The following TANC1 variants were observed in gnomAD, a reference collection of about 807,000 sequenced individuals.
The protein encoded by TANC1 is tetratricopeptide repeat, ankyrin repeat and coiled-coil containing 1, also known as protein TANC1.
A neutral mutation model predicts 149.7 loss-of-function variants in TANC1; 77 were observed. The observed-to-expected ratio is 0.51, with a 90% confidence interval of 0.43 to 0.62. The LOEUF is 0.62. Ranked by LOEUF, TANC1 falls within the 20% of genes least tolerant of loss-of-function variation. TANC1 has a pLI of 0.00. For missense variants in TANC1, 1,985 were observed against 2,321.8 expected (o/e 0.85, Z 2.98); for synonymous variants, 854 against 925.0 (o/e 0.92, Z 1.39).
chr2:159,078,044 C>T (rs1409044162), intron 3 of TANC1, among the ~76,000 whole-genome samples: 1 of 152,186 alleles, frequency 6.6e-6, no homozygotes, highest in Non-Finnish European at 1.5e-5. Context: ...AACTCAAACA[C>T]ATTTTTATAT....
chr2:158,991,125 AC>A (rs2035587630), intron 1 of TANC1, among the ~76,000 whole-genome samples: 1 of 151,398 alleles, frequency 6.6e-6, no homozygotes, highest in South Asian at 2.1e-4. Context: ...AGTAGAAAAA[AC>A]AGCAGGGCTA....
In TANC1 at chr2:159,224,273, G is replaced by A. The variant is rs1177128603; in HGVS notation, c.3720G>A (p.Val1240=). The change falls in exon 23 of 27, where the codon GTG becomes GTA. Residue 1240 remains valine (V), a synonymous_variant. Transcript: ENST00000263635. ...AGAAGGGAGCCGTGATCGAGCATGT[G>A]GACCACAGCGGGATGCGGCCCTTGG... The part of the protein sequence containing the change: ...LVEKGAVIEH[V]DHSGMRPLDR... 1 of 1,614,176 alleles carries A rather than the reference G, an allele frequency of 6.2e-7. No homozygotes were observed. The highest frequency in any genetic ancestry group is 8.5e-7 in the Non-Finnish European group (1 of 1,180,032).
chr2:159,097,117 G>T (rs1008125834), intron 3 of TANC1, among the ~76,000 whole-genome samples: 1 of 152,114 alleles, frequency 6.6e-6, no homozygotes. Flanking sequence ...CCTGTGTCAT[G>T]GGGAGTGTTG....
intron 4 of TANC1, among the ~76,000 whole-genome samples, chr2:159,133,731 A>G (rs1307038234): frequency 6.6e-6 from 1 of 152,202 alleles, no homozygotes; most frequent in Non-Finnish European, 1.5e-5. Flanking sequence ...TGTCCCCTGT[A>G]ACCATTCTAT....
chr2:159,039,345 A>G (rs2040449868), intron 2 of TANC1, among the ~76,000 whole-genome samples: 1 of 151,772 alleles, frequency 6.6e-6, no homozygotes, highest in African/African-American at 2.4e-5. Context: ...TTATGTCTCT[A>G]TCTCCTTCAG....
chr2:159,096,926 G>T (rs1011245079), intron 3 of TANC1, among the ~76,000 whole-genome samples: 1 of 152,146 alleles, frequency 6.6e-6, no homozygotes, highest in African/African-American at 2.4e-5. Flanking sequence ...CTGACATACT[G>T]GTTTTTTTGA....
At chr2:159,155,611 G>T (rs1042264340) in intron 7 of TANC1, among the ~76,000 whole-genome samples, 1 of 152,174 alleles carries the variant, frequency 6.6e-6, no homozygotes, top group African/African-American at 2.4e-5. Flanking sequence ...GGCATGAGCC[G>T]CCACATTCCA....
At chr2:159,101,063 G>A (rs924172064) in intron 4 of TANC1, among the ~76,000 whole-genome samples, 3 of 152,148 alleles carry the variant, frequency 2.0e-5, no homozygotes, top group South Asian at 2.1e-4. Context: ...CTCCAGGGTC[G>A]TGCCATCATT....
intron 3 of TANC1, among the ~76,000 whole-genome samples, chr2:159,084,408 A>G (rs1383515564): frequency 6.6e-6 from 1 of 152,146 alleles, no homozygotes; most frequent in East Asian, 1.9e-4. Flanking sequence ...ATTTTTGAAC[A>G]TGTTTTTGTG....
chr2:159,135,253 A>T (rs192570157), intron 4 of TANC1, among the ~76,000 whole-genome samples: 32 of 152,204 alleles, frequency 2.1e-4, no homozygotes, highest in African/African-American at 7.0e-4. Context: ...AGCTTCATCC[A>T]TGTTGTAGCA....
At chr2:159,134,802 A>G (rs917341809) in intron 4 of TANC1, among the ~76,000 whole-genome samples, 4 of 151,364 alleles carry the variant, frequency 2.6e-5, no homozygotes, top group African/African-American at 7.3e-5. Flanking sequence ...TTATTTTTGT[A>G]TAGAGACCAG....
chr2:159,170,607 T>C lies in TANC1; in HGVS notation c.1153T>C (p.Phe385Leu). The C allele has an allele frequency of 6.2e-7, 1 of 1,614,100 alleles. No individual in the cohort carries two copies. The highest frequency in any genetic ancestry group is 8.5e-7 in the Non-Finnish European group (1 of 1,180,014). The change falls in exon 10 of 27, where the codon TTT becomes CTT. Residue 385 changes from phenylalanine (F) to leucine (L), a missense_variant. Physicochemically the swap from Phe to Leu is conservative, Grantham distance 22. This residue lies in a region of TANC1 where 557 missense variants were observed against 612.9 expected (regional missense o/e 0.91). Coordinates refer to ENST00000263635, the MANE Select transcript of TANC1 (RefSeq NM_033394.3). ...EVPSITTDSV[F>L]VGRDWLFHQI... is the part of the protein sequence containing the mutation. Reference sequence around the variant, plus strand: ...ACCAAGCATAACAACAGACTCTGTGTTTGTGGGAAGGGATTGGCTCTTTCA... The same window carrying C: ...ACCAAGCATAACAACAGACTCTGTGCTTGTGGGAAGGGATTGGCTCTTTCA...
intron 2 of TANC1, among the ~76,000 whole-genome samples, chr2:159,063,773 G>A (rs2042435353): frequency 6.6e-6 from 1 of 152,154 alleles, no homozygotes; most frequent in Non-Finnish European, 1.5e-5. Flanking sequence ...ATAGCTGAGT[G>A]CCCCAAAATA....
chr2:159,126,293 G>C (rs1327441820), intron 4 of TANC1, among the ~76,000 whole-genome samples: 1 of 152,106 alleles, frequency 6.6e-6, no homozygotes, highest in East Asian at 1.9e-4. Context: ...ACAATTCCTG[G>C]GAATCAGCAG....
Position 159,198,395 on chromosome 2 carries a change from C to T in TANC1, c.3166-580C>T, listed in dbSNP as rs369695955. Among the ~76,000 whole-genome samples, 407 of 152,250 alleles carry T rather than the reference C, an allele frequency of 2.7e-3. 7 individuals are homozygous for T. The highest frequency in any genetic ancestry group is 1.5e-3 in the East Asian group (8 of 5,180). The stretch of plus-strand genomic sequence containing the variant: ...GGCTTTGTCGTGTTCTCCCGTTGCT[C>T]GCTGCTGTTGCTCAGGGTGAACGCC... On this transcript the variant is annotated intron_variant, in intron 18 of 26. Transcript: ENST00000263635.
intron 4 of TANC1, among the ~76,000 whole-genome samples, chr2:159,128,583 G>A (rs566485009): frequency 7.9e-5 from 12 of 152,292 alleles, no homozygotes; most frequent in African/African-American, 2.9e-4. Flanking sequence ...TACCCTGTAA[G>A]ATGGTGTCTT....
Position 159,149,258 on chromosome 2 carries a change from A to C in TANC1, c.481A>C (p.Lys161Gln), listed in dbSNP as rs1183368019. The change falls in exon 6 of 27, where the codon AAA (lysine) becomes CAA (glutamine). Residue 161 changes from lysine (K) to glutamine (Q), a missense_variant. Coordinates refer to ENST00000263635, the MANE Select transcript of TANC1 (RefSeq NM_033394.3). ...PSATHITIED[K>Q]NETMCTALSQ... ...TGCCACACACATAACCATTGAAGACAAAAATGAAACCATGGTAATGCCCGA... is the reference window on the plus strand; with the variant it reads ...TGCCACACACATAACCATTGAAGACCAAAATGAAACCATGGTAATGCCCGA... 1 of 1,614,224 alleles carries C rather than the reference A, an allele frequency of 6.2e-7. No homozygotes were observed. The highest frequency in any genetic ancestry group is 2.2e-5 in the East Asian group (1 of 44,886).
intron 5 of TANC1, among the ~76,000 whole-genome samples, chr2:159,145,445 A>T (rs1337581479): frequency 6.6e-6 from 1 of 152,194 alleles, no homozygotes; most frequent in Non-Finnish European, 1.5e-5. Flanking sequence ...GGAGGTGGGT[A>T]TGGCCACTTC....
Position 159,227,978 on chromosome 2 carries a change from C to G in TANC1, c.4050+13C>G, listed in dbSNP as rs1472873613. 1.2e-6 allele frequency: 2 copies of G among 1,607,062 alleles called. No homozygotes were observed. Among genetic ancestry groups the G allele is most frequent in the Non-Finnish European group, 1.7e-6 (2 of 1,176,972 alleles). ...AAGAAAAACAAATGTAAGCTGTGCC[C>G]CTTTATTCCAACCCAGTCTTCCAGC... On this transcript the variant is annotated intron_variant, in intron 25 of 26. Coordinates refer to ENST00000263635, the MANE Select transcript of TANC1 (RefSeq NM_033394.3).
Sources: allele counts gnomAD v4.1 joint callset (sites outside exome capture counted in the v4.1 genomes callset), GRCh38; gene constraint gnomAD v4.1.1; regional missense constraint gnomAD v4.1.1; transcripts MANE v1.5; gene names NCBI Gene and HGNC (gene_info 2026-07-23, HGNC 2026-07-21).